Variants in SMG6 observed in about 807,000 individuals in gnomAD.
SMG6 encodes SMG6 nonsense mediated mRNA decay factor.
A neutral mutation model predicts 142.2 loss-of-function variants in SMG6; 66 were observed. The observed-to-expected ratio is 0.46, with a 90% CI of 0.38 to 0.57. The LOEUF is 0.57. Ranked by LOEUF, SMG6 falls within the 20% of genes least tolerant of loss-of-function variation. The probability of loss-of-function intolerance (pLI) is 0.00; values close to 1 mark genes in which losing one functional copy is unlikely to be tolerated. For synonymous variants in SMG6, 779 were observed against 702.4 expected (o/e 1.11, Z -1.72); for missense variants, 1,793 against 1,832.0 (o/e 0.98, Z 0.39).
intron 13 of SMG6, among the ~76,000 whole-genome samples, chr17:2,111,147 C>CA (rs2069304496): frequency 6.6e-6 from 1 of 152,118 alleles, no homozygotes; most frequent in Non-Finnish European, 1.5e-5. Context: ...AGGCCCTATT[C>CA]AAACCACCAG....
At chr17:2,252,016 G>A (rs530718034) in intron 8 of SMG6, among the ~76,000 whole-genome samples, 24 of 152,036 alleles carry the variant, frequency 1.6e-4, no homozygotes, top group Non-Finnish European at 2.2e-4. Context: ...CAGGAGAATC[G>A]CTTGAACCAG....
At position 2,102,528 on chromosome 17, in the gene SMG6, ATT is replaced by A. The variant is rs374584197; in HGVS notation, c.3358-16629_3358-16628del. On this transcript the variant is annotated intron_variant, in intron 13 of 18. Coordinates refer to ENST00000263073, the MANE Select transcript of SMG6 (RefSeq NM_017575.5). ...TGGACCACCACATCCTGCTAATTTCATTTTTTTTTTTTTTTTTTTTTTTTTTA... is the reference window on the plus strand; with the variant it reads ...TGGACCACCACATCCTGCTAATTTCATTTTTTTTTTTTTTTTTTTTTTTTA... Among the ~76,000 whole-genome samples, 695 of 81,576 alleles carry A rather than the reference ATT, an allele frequency of 8.5e-3. 7 individuals are homozygous for A. Among genetic ancestry groups the A allele is most frequent in the African/African-American group, 0.029 (596 of 20,236 alleles). The allele number at this position is 81,576 out of a possible 152,430, so 53.5% of individuals were successfully genotyped here.
At chr17:2,156,262 T>C (rs765946268) in intron 13 of SMG6, among the ~76,000 whole-genome samples, 1 of 149,812 alleles carries the variant, frequency 6.7e-6, no homozygotes, top group Non-Finnish European at 1.5e-5. Context: ...GCGTGGTCAG[T>C]GGGTGCCTGT....
chr17:2,077,550 AG>A (rs1429494742), intron 15 of SMG6, among the ~76,000 whole-genome samples: 1 of 152,212 alleles, frequency 6.6e-6, no homozygotes, highest in African/African-American at 2.4e-5. Flanking sequence ...GGGAGTGGAA[AG>A]GAAGGTGGGT....
intron 8 of SMG6, among the ~76,000 whole-genome samples, chr17:2,247,157 C>T (rs1364118537): frequency 6.6e-6 from 1 of 152,132 alleles, no homozygotes; most frequent in African/African-American, 2.4e-5. Context: ...TCTTAGGCAA[C>T]GGATCTAAAT....
chr17:2,154,862 T>G (rs539832817), intron 13 of SMG6, among the ~76,000 whole-genome samples: 1 of 152,044 alleles, frequency 6.6e-6, no homozygotes, highest in South Asian at 2.1e-4. Flanking sequence ...TGGTGAAATC[T>G]CATCTCTACA....
At chr17:2,128,513 C>G (rs1021053417) in intron 13 of SMG6, among the ~76,000 whole-genome samples, 1 of 152,102 alleles carries the variant, frequency 6.6e-6, no homozygotes, top group Non-Finnish European at 1.5e-5. Context: ...ATACGCCAAT[C>G]CAACTGCCTT....
In SMG6 at chr17:2,061,182, C is replaced by CG. The variant is rs1009469731; in HGVS notation, c.*309dup. 3 of 291,202 alleles carry CG rather than the reference C, an allele frequency of 1.0e-5. No individual in the cohort carries two copies. Among genetic ancestry groups the CG allele is most frequent in the African/African-American group, 6.5e-5 (3 of 45,856 alleles). 18.0% of individuals were successfully genotyped at this position (291,202 alleles called of 1,614,324 possible). On this transcript the variant is annotated 3_prime_UTR_variant, in exon 19 of 19. Coordinates refer to ENST00000263073, the MANE Select transcript of SMG6 (RefSeq NM_017575.5). ...GCCCTCCCTCAGCCTTGGAATGAGACGGGGGAGGGAGAAAGGCTGAGAGCA... is the reference window on the plus strand; with the variant it reads ...GCCCTCCCTCAGCCTTGGAATGAGACGGGGGGAGGGAGAAAGGCTGAGAGCA...
In SMG6 at chr17:2,065,140, A is replaced by AT; in HGVS notation, c.4061dup (p.Asp1354GlufsTer16). 1 of 1,613,634 alleles carries AT rather than the reference A, an allele frequency of 6.2e-7. No homozygotes were observed. The highest frequency in any genetic ancestry group is 8.5e-7 in the Non-Finnish European group (1 of 1,179,690). The stretch of plus-strand genomic sequence containing the variant: ...AGTGGAGGCAGCAGGACAGGATGAG[A>AT]TCATCGTTGTTACCCTGGAGGAAGA... On this transcript the variant is annotated frameshift_variant, in exon 18 of 19. Transcript: ENST00000263073. LOFTEE classifies it high-confidence loss of function.
chr17:2,211,571 G>A (rs2072863905), intron 10 of SMG6, among the ~76,000 whole-genome samples: 1 of 151,568 alleles, frequency 6.6e-6, no homozygotes, highest in South Asian at 2.1e-4. Flanking sequence ...GGCTGAGGCA[G>A]GAGAATGGCG....
intron 8 of SMG6, among the ~76,000 whole-genome samples, chr17:2,247,537 T>C (rs886444628): frequency 2.6e-5 from 4 of 152,160 alleles, no homozygotes; most frequent in African/African-American, 9.7e-5. Context: ...CCTGTAATCC[T>C]AGGACTTTGG....
At chr17:2,267,366 T>TTA (rs2074443625) in intron 8 of SMG6, among the ~76,000 whole-genome samples, 1 of 151,752 alleles carries the variant, frequency 6.6e-6, no homozygotes, top group Admixed American at 6.6e-5. Flanking sequence ...GGCTAATTTT[T>TTA]TTTTTTTAGT....
intron 8 of SMG6, among the ~76,000 whole-genome samples, chr17:2,254,825 T>C (rs769147162): frequency 5.3e-5 from 8 of 152,138 alleles, no homozygotes; most frequent in Non-Finnish European, 2.9e-5. Context: ...CAGACAATTA[T>C]GAAGTGCCAT....
At chr17:2,271,779 G>C (rs565914578) in intron 8 of SMG6, among the ~76,000 whole-genome samples, 4 of 152,150 alleles carry the variant, frequency 2.6e-5, no homozygotes, top group Non-Finnish European at 5.9e-5. Context: ...AAAAGGCTTT[G>C]CCCTACTTAA....
intron 10 of SMG6, chr17:2,214,032 G>A (rs1360241290): frequency 1.3e-5 from 2 of 152,384 alleles, no homozygotes; most frequent in African/African-American, 4.8e-5. Context: ...TTGTCAGCCA[G>A]GGGATGATGG....
At position 2,299,711 on chromosome 17, in the gene SMG6, C is replaced by T; in HGVS notation, c.1042G>A (p.Gly348Ser). ...GCATCGAAAGTGACACGAAGAGTGC[C>T]TCGATATTCTTTAGCACTGTTTTTC... Reference protein sequence around the residue: ...EQKNSAKEYRGTLRVTFDAEA... With the variant: ...EQKNSAKEYRSTLRVTFDAEA... The change falls in exon 2 of 19, where the codon GGC becomes AGC. Residue 348 changes from glycine to serine, a missense_variant. Physicochemically the swap from Gly to Ser is moderately conservative, Grantham distance 56. This residue lies in a region of SMG6 where 1,597 missense variants were observed against 1,584.6 expected (regional missense o/e 1.01). Coordinates refer to ENST00000263073, the MANE Select transcript of SMG6 (RefSeq NM_017575.5). This position sits in a 1 kb window ranked among gnomAD's most constrained non-coding sequence, Gnocchi z 4.3. 6.2e-7 allele frequency: 1 copy of T among 1,614,156 alleles called. No homozygotes were observed. The highest frequency in any genetic ancestry group is 8.5e-7 in the Non-Finnish European group (1 of 1,180,032).
Position 2,299,182 on chromosome 17 carries a change from C to T in SMG6, c.1571G>A (p.Gly524Asp), listed in dbSNP as rs780356943. 29 of 1,612,996 alleles carry T rather than the reference C, an allele frequency of 1.8e-5. No individual in the cohort carries two copies. The highest frequency in any genetic ancestry group is 2.2e-5 in the Non-Finnish European group (26 of 1,179,558). ...PGPASQYPYT[G>D]YNPLQYPVGP... is the part of the protein sequence containing the mutation. ...CACTGGGTACTGTAGAGGGTTATAGCCCGTATAGGGATACTGGGAGGCAGG... is the reference window on the plus strand; with the variant it reads ...CACTGGGTACTGTAGAGGGTTATAGTCCGTATAGGGATACTGGGAGGCAGG... Residue 524 changes from glycine (G) to aspartate (D), a missense_variant, in exon 2 of 19, where the codon GGC (glycine) becomes GAC (aspartate). Physicochemically the swap from Gly to Asp is moderately conservative, Grantham distance 94. Coordinates refer to ENST00000263073, the MANE Select transcript of SMG6 (RefSeq NM_017575.5). The surrounding 1 kb of genome is among the most constrained non-coding windows in gnomAD (Gnocchi z 4.3).
chr17:2,172,896 G>A (rs746035101), intron 12 of SMG6, 37 bp from the exon 13 acceptor site: 4 of 1,585,706 alleles, frequency 2.5e-6, no homozygotes, highest in African/African-American at 2.7e-5. Flanking sequence ...CAGCTCTAAA[G>A]AGGGACCAGT....
intron 8 of SMG6, among the ~76,000 whole-genome samples, chr17:2,253,011 G>GC (rs2074081933): frequency 6.6e-6 from 1 of 151,830 alleles, no homozygotes; most frequent in South Asian, 2.1e-4. Context: ...TTGAAACACA[G>GC]CCACCCTCAT....
Sources: gnomAD v4.1 joint callset for allele counts (sites outside exome capture counted in the v4.1 genomes callset) on GRCh38, gnomAD v4.1.1 for gene constraint, gnomAD v4.1.1 regional missense constraint, Gnocchi (gnomAD v3.1) non-coding constraint, MANE v1.5 for transcripts, NCBI Gene and HGNC (gene_info 2026-07-23, HGNC 2026-07-21) for gene names.